The following PRAG1 variants were observed in gnomAD, a reference collection of about 807,000 sequenced individuals.
PRAG1 encodes PEAK1 related, kinase-activating pseudokinase 1, also known as inactive tyrosine-protein kinase PRAG1.
PRAG1 carries 110 observed loss-of-function variants against 95.6 expected under a neutral mutation model. That is an observed-to-expected ratio of 1.15 (90% CI 0.99 to 1.35). The LOEUF is 1.35. Among genes scored for constraint, PRAG1 ranks in the 40% most tolerant of loss-of-function variants. The pLI is 0.00. For missense variants in PRAG1, 2,554 were observed against 1,864.7 expected (o/e 1.37, Z -6.81); for synonymous variants, 1,052 against 819.4 (o/e 1.28, Z -4.85).
intron 3 of PRAG1, among the ~76,000 whole-genome samples, chr8:8,358,830 T>C (rs538188112): frequency 3.3e-5 from 5 of 152,314 alleles, no homozygotes; most frequent in Middle Eastern, 3.4e-3. Context: ...CTTAGCCCAA[T>C]TGGCTAACAA....
chr8:8,328,502 CCACTCAATTCCAGGGTCCTGCAGA>C (rs1563228913), intron 4 of PRAG1, 41 bp from the exon 5 acceptor site: 2 of 1,597,486 alleles, frequency 1.3e-6, no homozygotes, highest in Admixed American at 3.5e-5. Context: ...AAGGCCAGTG[CCACTCAATTCCAGGGTCCTGCAGA>C]CTTGTTTCCC....
chr8:8,376,387 G>C lies in PRAG1; in HGVS notation c.2022C>G (p.Leu674=). ...DHSNSTTWHR[L]HPTDGSSGQN... is the part of the protein sequence containing the mutation. ...GCCCAGAGGAGCCATCTGTGGGGTGGAGACGGTGCCAGGTCGTGGAGTTTG... is the reference window on the plus strand; with the variant it reads ...GCCCAGAGGAGCCATCTGTGGGGTGCAGACGGTGCCAGGTCGTGGAGTTTG... The change falls in exon 3 of 6, where the codon CTC becomes CTG. Residue 674 remains leucine, a synonymous_variant. Transcript: ENST00000615670. The C allele has an allele frequency of 1.2e-6, 2 of 1,614,156 alleles. No individual in the cohort carries two copies. The highest frequency in any genetic ancestry group is 1.1e-5 in the South Asian group (1 of 91,078).
chr8:8,345,464 C>G (rs1203235054), intron 3 of PRAG1, among the ~76,000 whole-genome samples: 3 of 151,906 alleles, frequency 2.0e-5, no homozygotes, highest in African/African-American at 7.3e-5. Flanking sequence ...ACAGGTCTTC[C>G]AAAACACACG....
chr8:8,377,463 G>C lies in PRAG1; in HGVS notation c.946C>G (p.Pro316Ala). ...SFPKECCSQG[P>A]TAHPSCLGPK... ...CCCAGGCAGGATGGGTGGGCAGTGG[G>C]GCCCTGGCTACAGCACTCCTTGGGG... Residue 316 changes from proline (P) to alanine (A), a missense_variant, in exon 3 of 6, where the codon CCC becomes GCC. Physicochemically the swap from Pro to Ala is conservative, Grantham distance 27 (BLOSUM62 -1). Coordinates refer to ENST00000615670, the MANE Select transcript of PRAG1 (RefSeq NM_001080826.3). The C allele has an allele frequency of 6.4e-7, 1 of 1,550,664 alleles. No individual in the cohort carries two copies. Among genetic ancestry groups the C allele is most frequent in the Non-Finnish European group, 8.7e-7 (1 of 1,149,636 alleles).
intron 4 of PRAG1, among the ~76,000 whole-genome samples, chr8:8,333,031 C>T (rs949664910): frequency 5.3e-5 from 8 of 152,230 alleles, no homozygotes; most frequent in Non-Finnish European, 1.0e-4. Context: ...AAATCCTCCA[C>T]GACTTTAGCC....
At chr8:8,327,584 G>T in intron 5 of PRAG1, 126 bp downstream of exon 5, 3 of 1,099,972 alleles carry the variant, frequency 2.7e-6, no homozygotes, top group Non-Finnish European at 3.8e-6. Flanking sequence ...AGAAAAAAAA[G>T]AATGCTTAGG....
rs1253701176 is a variant in PRAG1, at chr8:8,318,065, A to G, written c.*89T>C. 1 of 1,315,434 alleles carries G rather than the reference A, an allele frequency of 7.6e-7. No homozygotes were observed. The highest frequency in any genetic ancestry group is 1.0e-6 in the Non-Finnish European group (1 of 972,446). The allele number at this position is 1,315,434 out of a possible 1,614,324, so 81.5% of individuals were successfully genotyped here. On this transcript the variant is annotated 3_prime_UTR_variant, in exon 6 of 6. Transcript: ENST00000615670. The surrounding 1 kb of genome is among the most constrained non-coding windows in gnomAD (Gnocchi z 4.2). Reference sequence around the variant, plus strand: ...TCCAGGTATCCCAGTCATCTGTACCATTTCCCAGGGAGACATGGGTGCTTC... The same window carrying G: ...TCCAGGTATCCCAGTCATCTGTACCGTTTCCCAGGGAGACATGGGTGCTTC...
chr8:8,345,717 C>T lies in PRAG1; in HGVS notation c.2163-6082G>A, dbSNP rs532573778. Among the ~76,000 whole-genome samples, 10 of 152,264 alleles carry T rather than the reference C, an allele frequency of 6.6e-5. No individual in the cohort carries two copies. In the East Asian group the frequency reaches 1.7e-3, roughly 26 times the overall value. ...GACTAAGGCAGGAGAATCGCTCAAACCCGGGAGGCGGAGGTTGCAGTGAGC... is the reference window on the plus strand; with the variant it reads ...GACTAAGGCAGGAGAATCGCTCAAATCCGGGAGGCGGAGGTTGCAGTGAGC... On this transcript the variant is annotated intron_variant, in intron 3 of 5. Transcript: ENST00000615670.
chr8:8,330,416 C>A (rs1296379622), intron 4 of PRAG1, among the ~76,000 whole-genome samples: 3 of 152,158 alleles, frequency 2.0e-5, no homozygotes, highest in Non-Finnish European at 2.9e-5. Context: ...CTCTCCTTGC[C>A]CACTTTCCCA....
chr8:8,335,913 A>C (rs1449873287), intron 4 of PRAG1, among the ~76,000 whole-genome samples: 1 of 152,226 alleles, frequency 6.6e-6, no homozygotes, highest in Non-Finnish European at 1.5e-5. Context: ...AACAATATCT[A>C]TCAAATGAAT....
chr8:8,373,454 A>ATTGTTTTTTTTTTTTTTTTTTTTT (rs1470559658), intron 3 of PRAG1, among the ~76,000 whole-genome samples: 2 of 138,342 alleles, frequency 1.4e-5, no homozygotes, highest in Non-Finnish European at 1.6e-5. Flanking sequence ...TATTTTCTAG[A>ATTGTTTTTTTTTTTTTTTTTTTTT]TTTTTTTTTT....
intron 3 of PRAG1, among the ~76,000 whole-genome samples, chr8:8,370,536 A>T (rs1025115033): frequency 2.0e-5 from 3 of 152,224 alleles, no homozygotes; most frequent in African/African-American, 7.2e-5. Context: ...GCCGTTATGC[A>T]TCAAGAGTAT....
chr8:8,320,689 T>C (rs533435655), intron 5 of PRAG1, among the ~76,000 whole-genome samples: 10 of 152,348 alleles, frequency 6.6e-5, no homozygotes, highest in African/African-American at 1.7e-4. Flanking sequence ...CTATAAAATA[T>C]TATCCTGCAA....
Position 8,377,440 on chromosome 8 carries a change from C to T in PRAG1, c.969G>A (p.Leu323=). The T allele has an allele frequency of 6.4e-7, 1 of 1,556,152 alleles. No individual in the cohort carries two copies. Among genetic ancestry groups the T allele is most frequent in the Non-Finnish European group, 8.7e-7 (1 of 1,151,956 alleles). The change falls in exon 3 of 6, where the codon CTG becomes CTA. Residue 323 remains leucine (L), a synonymous_variant. Coordinates refer to ENST00000615670, the MANE Select transcript of PRAG1 (RefSeq NM_001080826.3). ...SQGPTAHPSC[L]GPKKLSLTSE... ...AGGTGAGGGACAGTTTCTTGGGGCCCAGGCAGGATGGGTGGGCAGTGGGGC... is the reference window on the plus strand; with the variant it reads ...AGGTGAGGGACAGTTTCTTGGGGCCTAGGCAGGATGGGTGGGCAGTGGGGC...
At chr8:8,323,733 C>T (rs1049806199) in intron 5 of PRAG1, among the ~76,000 whole-genome samples, 2 of 152,130 alleles carry the variant, frequency 1.3e-5, no homozygotes, top group African/African-American at 2.4e-5. Context: ...CCCAGCCATG[C>T]TGAACTGTGA....
At chr8:8,368,107 A>C (rs1800071927) in intron 3 of PRAG1, among the ~76,000 whole-genome samples, 1 of 152,228 alleles carries the variant, frequency 6.6e-6, no homozygotes, top group Non-Finnish European at 1.5e-5. Flanking sequence ...CACAAGTATA[A>C]ATTGGTATGA....
intron 5 of PRAG1, among the ~76,000 whole-genome samples, chr8:8,319,639 G>A (rs1227895613): frequency 1.3e-5 from 2 of 152,174 alleles, no homozygotes; most frequent in African/African-American, 4.8e-5. Context: ...CTGCCAAAAT[G>A]TATGTAATAA....
intron 3 of PRAG1, among the ~76,000 whole-genome samples, chr8:8,366,394 A>G (rs941007121): frequency 6.6e-6 from 1 of 151,080 alleles, no homozygotes; most frequent in Non-Finnish European, 1.5e-5. Context: ...GCTCACTGCA[A>G]CCTCCAACTC....
rs576434532 is a variant in PRAG1, at chr8:8,331,027, C to T, written c.2321-2566G>A. Among the ~76,000 whole-genome samples the T allele has an allele frequency of 6.6e-5, 10 of 152,268 alleles. No individual in the cohort carries two copies. The South Asian group carries it at 8.3e-4, about 13-fold the overall frequency. On this transcript the variant is annotated intron_variant, in intron 4 of 5. Transcript: ENST00000615670. Reference sequence around the variant, plus strand: ...TCTGGGCAGCAGAAACCGTCACCAGCGAGGCGTCTGATTCTCAATTTATCA... The same window carrying T: ...TCTGGGCAGCAGAAACCGTCACCAGTGAGGCGTCTGATTCTCAATTTATCA...
Sources: gnomAD v4.1 joint callset for allele counts (sites outside exome capture counted in the v4.1 genomes callset) on GRCh38, gnomAD v4.1.1 for gene constraint, Gnocchi (gnomAD v3.1) non-coding constraint, MANE v1.5 for transcripts, NCBI Gene and HGNC (gene_info 2026-07-23, HGNC 2026-07-21) for gene names.